Variants in ARFGEF3 observed in about 807,000 individuals in gnomAD.
ARFGEF3 encodes brefeldin A-inhibited guanine nucleotide-exchange protein 3.
Under a neutral mutation model 221.7 loss-of-function variants are expected in ARFGEF3, and 96 were observed. The observed-to-expected ratio is 0.43, with a 90% CI of 0.37 to 0.51. The LOEUF is 0.51. ARFGEF3 is among the 20% of genes least tolerant of loss of function. The probability of loss-of-function intolerance (pLI) is 0.00; values close to 1 mark genes in which losing one functional copy is unlikely to be tolerated. For missense variants in ARFGEF3, 2,410 were observed against 2,789.9 expected (o/e 0.86, Z 3.07); for synonymous variants, 1,145 against 1,126.8 (o/e 1.02, Z -0.32).
intron 8 of ARFGEF3, among the ~76,000 whole-genome samples, chr6:138,248,193 G>A (rs1482707709): frequency 6.6e-6 from 1 of 152,164 alleles, no homozygotes; most frequent in Admixed American, 6.5e-5. Context: ...TGGTCATATA[G>A]AGCCCTTTTA....
At chr6:138,212,472 G>C (rs1332270361) in intron 4 of ARFGEF3, among the ~76,000 whole-genome samples, 1 of 152,182 alleles carries the variant, frequency 6.6e-6, no homozygotes, top group African/African-American at 2.4e-5. Context: ...ATTCCTCAAG[G>C]ACCTAGAACC....
At chr6:138,293,099 C>T (rs77260031) in intron 19 of ARFGEF3, among the ~76,000 whole-genome samples, 4,346 of 152,264 alleles carry the variant, frequency 0.029, 69 homozygotes, top group Non-Finnish European at 0.043. Flanking sequence ...GTCTCATTTT[C>T]CTCTTTCAAG....
intron 2 of ARFGEF3, among the ~76,000 whole-genome samples, chr6:138,194,989 A>C (rs1330193980): frequency 1.2e-5 from 1 of 84,130 alleles, no homozygotes; most frequent in African/African-American, 5.8e-5. Flanking sequence ...CTTTTCCCTA[A>C]TTTTTTTTTT....
At chr6:138,323,591 A>C (rs1780073313) in intron 29 of ARFGEF3, 80 bp from the exon 30 acceptor site, 6 of 1,345,078 alleles carry the variant, frequency 4.5e-6, no homozygotes, top group Non-Finnish European at 6.3e-6. Context: ...AGGCTGGGCA[A>C]CAAGAGCAAA....
At chr6:138,234,353 A>T (rs1778246478) in intron 5 of ARFGEF3, among the ~76,000 whole-genome samples, 1 of 152,200 alleles carries the variant, frequency 6.6e-6, no homozygotes, top group African/African-American at 2.4e-5. Context: ...TATGCCTGGC[A>T]CTTTTAGAAT....
intron 12 of ARFGEF3, among the ~76,000 whole-genome samples, chr6:138,268,588 C>T (rs940691249): frequency 6.6e-6 from 1 of 152,118 alleles, no homozygotes; most frequent in Non-Finnish European, 1.5e-5. Flanking sequence ...AAATAAAGTA[C>T]GTTTTTTATA....
chr6:138,225,754 A>G lies in ARFGEF3; in HGVS notation c.352-4030A>G, dbSNP rs181280165. On this transcript the variant is annotated intron_variant, in intron 4 of 33. Coordinates refer to ENST00000251691, the MANE Select transcript of ARFGEF3 (RefSeq NM_020340.5). The stretch of plus-strand genomic sequence containing the variant: ...CATGGAGTGAAAAACCAAAGGTTCT[A>G]TGCTTTTCAATGTGGATTATCTGAT... Among the ~76,000 whole-genome samples, 10 of 152,340 alleles carry G rather than the reference A, an allele frequency of 6.6e-5. No individual in the cohort carries two copies. In the East Asian group the frequency reaches 1.7e-3, roughly 26 times the overall value.
chr6:138,179,367 C>T (rs1476866264), intron 2 of ARFGEF3, among the ~76,000 whole-genome samples: 1 of 152,228 alleles, frequency 6.6e-6, no homozygotes, highest in Non-Finnish European at 1.5e-5. Flanking sequence ...CATAACCCAG[C>T]CATTTTGCTT....
intron 30 of ARFGEF3, 50 bp from the exon 31 acceptor site, chr6:138,323,973 C>T (rs376225891): frequency 4.6e-5 from 74 of 1,597,200 alleles, no homozygotes; most frequent in South Asian, 1.2e-4. Flanking sequence ...AGACTGAGCC[C>T]GGCCCATGAA....
At position 138,335,158 on chromosome 6, in the gene ARFGEF3, C is replaced by A; in HGVS notation, c.6312C>A (p.Val2104=). 6.4e-7 allele frequency: 1 copy of A among 1,567,744 alleles called. No individual in the cohort carries two copies. Among genetic ancestry groups the A allele is most frequent in the Non-Finnish European group, 8.6e-7 (1 of 1,163,210 alleles). Residue 2104 remains valine, a synonymous_variant, in exon 33 of 34, where the codon GTC becomes GTA. Transcript: ENST00000251691. ...RSGSTGSSLS[V]SVRDAEAQIQ... ...GCTCCACCGGGAGCTCCCTCAGTGT[C>A]TCGGTGAGAGACGCAGAAGCACAGA...
At chr6:138,208,592 T>C (rs1210307625) in intron 3 of ARFGEF3, among the ~76,000 whole-genome samples, 1 of 152,188 alleles carries the variant, frequency 6.6e-6, no homozygotes, top group Non-Finnish European at 1.5e-5. Context: ...TATAAAGGTC[T>C]ATACTGGGGT....
rs35964895 is a variant in ARFGEF3, at chr6:138,334,938, A to G, written c.6092A>G (p.Lys2031Arg). The G allele has an allele frequency of 2.6e-3, 4,113 of 1,589,386 alleles. 98 individuals are homozygous for G. In the African/African-American group the frequency reaches 0.049, roughly 19 times the overall value. ...TISKLMTEYK[K>R]RKQQHNLSAF... ...TCAAAGTTGATGACCGAATACAAAA[A>G]GAGGAAACAGCAGCACAACCTGTCC... Residue 2031 changes from lysine to arginine, a missense_variant, in exon 33 of 34, where the codon AAG becomes AGG. Lys to Arg is a conservative substitution (Grantham distance 26). Transcript: ENST00000251691. This position sits in a 1 kb window ranked among gnomAD's most constrained non-coding sequence, Gnocchi z 5.1.
chr6:138,252,454 A>G (rs187995583), intron 8 of ARFGEF3, among the ~76,000 whole-genome samples: 1 of 152,228 alleles, frequency 6.6e-6, no homozygotes, highest in African/African-American at 2.4e-5. Flanking sequence ...AAAGGACTCC[A>G]CCCCCTCACT....
chr6:138,174,330 T>C (rs1299393304), intron 2 of ARFGEF3, among the ~76,000 whole-genome samples: 1 of 152,056 alleles, frequency 6.6e-6, no homozygotes, highest in Non-Finnish European at 1.5e-5. Flanking sequence ...AGACATACAG[T>C]AATGGGCTTT....
chr6:138,217,834 GA>G (rs1583017250), intron 4 of ARFGEF3: 2 of 1,099,192 alleles, frequency 1.8e-6, no homozygotes, highest in East Asian at 5.3e-5. Context: ...TTTTAGAATT[GA>G]AATAACCTCC....
intron 10 of ARFGEF3, among the ~76,000 whole-genome samples, chr6:138,260,223 C>T (rs1778764171): frequency 6.6e-6 from 1 of 152,260 alleles, no homozygotes; most frequent in African/African-American, 2.4e-5. Flanking sequence ...ATGTTCCTTC[C>T]AGAGAGCAGA....
At chr6:138,273,226 T>C (rs1779036151) in intron 12 of ARFGEF3, among the ~76,000 whole-genome samples, 1 of 152,236 alleles carries the variant, frequency 6.6e-6, no homozygotes, top group African/African-American at 2.4e-5. Context: ...TGTTCTTATT[T>C]TTTATACTCT....
intron 2 of ARFGEF3, among the ~76,000 whole-genome samples, chr6:138,198,950 T>C (rs1777483719): frequency 6.6e-6 from 1 of 152,212 alleles, no homozygotes; most frequent in African/African-American, 2.4e-5. Context: ...TCAAAACAAA[T>C]TGGCCTAGCC....
At chr6:138,306,067 A>G (rs2114658318) in intron 22 of ARFGEF3, among the ~76,000 whole-genome samples, 1 of 152,322 alleles carries the variant, frequency 6.6e-6, no homozygotes, top group African/African-American at 2.4e-5. Context: ...CAGACAACAT[A>G]GGGTTGTATA....
Sources: allele counts gnomAD v4.1 joint callset (sites outside exome capture counted in the v4.1 genomes callset), GRCh38; gene constraint gnomAD v4.1.1; non-coding constraint Gnocchi (gnomAD v3.1); transcripts MANE v1.5; gene names NCBI Gene and HGNC (gene_info 2026-07-23, HGNC 2026-07-21).